Variants in TRAPPC10 observed in about 807,000 individuals in gnomAD.
TRAPPC10 encodes the protein trafficking protein particle complex subunit 10.
In TRAPPC10, 23 loss-of-function variants were observed where a neutral mutation model predicts 125.5. That is an observed-to-expected ratio of 0.18 (90% confidence interval 0.13 to 0.26). The LOEUF (loss-of-function observed/expected upper bound fraction) is 0.26. Ranked by LOEUF, TRAPPC10 falls within the 10% of genes least tolerant of loss-of-function variation. TRAPPC10 has a pLI of 1.00. For missense variants in TRAPPC10, 1,123 were observed against 1,308.4 expected (o/e 0.86, Z 2.19); for synonymous variants, 509 against 518.0 (o/e 0.98, Z 0.24).
At chr21:44,016,639 G>A (rs1188947649) in intron 1 of TRAPPC10, among the ~76,000 whole-genome samples, 1 of 152,230 alleles carries the variant, frequency 6.6e-6, no homozygotes, top group East Asian at 1.9e-4. Context: ...ATTTTCCCCT[G>A]TAGGTTAAAA....
rs376274725 is a variant in TRAPPC10 at position 44,086,772 on chromosome 21, G to T, written c.2381-30G>T. The T allele has an allele frequency of 1.9e-6, 3 of 1,609,058 alleles. No individual in the cohort carries two copies. The African/African-American group carries it at 4.0e-5, about 22-fold the overall frequency. ...GAGATGCTGTCTTCCGGTTGGCAGCGGTGCTGAGCCACGATCTCTTTTCCT... is the reference window on the plus strand; with the variant it reads ...GAGATGCTGTCTTCCGGTTGGCAGCTGTGCTGAGCCACGATCTCTTTTCCT... On this transcript the variant is annotated intron_variant, in intron 15 of 22. Coordinates refer to ENST00000291574, the MANE Select transcript of TRAPPC10 (RefSeq NM_003274.5).
intron 4 of TRAPPC10, among the ~76,000 whole-genome samples, chr21:44,055,436 C>A (rs572508368): frequency 3.3e-5 from 5 of 152,064 alleles, no homozygotes; most frequent in East Asian, 1.9e-4. Flanking sequence ...CAAAAAAATA[C>A]AAAAATTAAC....
chr21:44,043,430 T>C (rs1267511248), intron 3 of TRAPPC10, among the ~76,000 whole-genome samples: 1 of 151,902 alleles, frequency 6.6e-6, no homozygotes, highest in Non-Finnish European at 1.5e-5. Flanking sequence ...GCCAGGCTGG[T>C]CTCAAACTCC....
At chr21:44,090,600 T>A (rs1240003068) in intron 18 of TRAPPC10, among the ~76,000 whole-genome samples, 1 of 152,144 alleles carries the variant, frequency 6.6e-6, no homozygotes, top group Non-Finnish European at 1.5e-5. Flanking sequence ...CAGTTCTGCT[T>A]TGAGGCAGGC....
At chr21:44,024,209 C>T (rs914438617) in intron 1 of TRAPPC10, among the ~76,000 whole-genome samples, 1 of 152,154 alleles carries the variant, frequency 6.6e-6, no homozygotes, top group Non-Finnish European at 1.5e-5. Context: ...TTCTCTTTTC[C>T]ACACTGAAAA....
rs17004628 is a variant in TRAPPC10, at chr21:44,086,473, T to G, written c.2381-329T>G. On this transcript the variant is annotated intron_variant, in intron 15 of 22. Coordinates refer to ENST00000291574, the MANE Select transcript of TRAPPC10 (RefSeq NM_003274.5). ...CTTAAGCCTCATTATGTGATTCTCT[T>G]CTACTACTAATGGGCAGGCAAATTT... Among the ~76,000 whole-genome samples the G allele has an allele frequency of 2.2e-4, 33 of 152,336 alleles. 1 individual carries two copies. In the East Asian group the frequency reaches 4.0e-3, roughly 19 times the overall value.
At chr21:44,019,330 A>G (rs1046054480) in intron 1 of TRAPPC10, among the ~76,000 whole-genome samples, 3 of 152,186 alleles carry the variant, frequency 2.0e-5, no homozygotes, top group South Asian at 2.1e-4. Flanking sequence ...GATTACAGGC[A>G]TAAGCCACTG....
At chr21:44,036,281 C>G (rs2033975154) in intron 2 of TRAPPC10, among the ~76,000 whole-genome samples, 1 of 152,222 alleles carries the variant, frequency 6.6e-6, no homozygotes, top group African/African-American at 2.4e-5. Context: ...CATTTACGAG[C>G]AGCCTCCCCA....
intron 1 of TRAPPC10, among the ~76,000 whole-genome samples, chr21:44,029,456 C>A (rs2033381230): frequency 1.3e-5 from 2 of 152,198 alleles, no homozygotes; most frequent in African/African-American, 4.8e-5. Flanking sequence ...TCTCTAATTT[C>A]ATAAGACTTG....
rs143249970 is a variant in TRAPPC10, at chr21:44,083,309, G to C, written c.2238+7G>C. On this transcript the variant is annotated splice_region_variant and intron_variant, in intron 14 of 22. Transcript: ENST00000291574. ...GATAACATTCAGGACTCAGGTATGCGTTCAGGGTGGGAACTTGACTTTCAA... is the reference window on the plus strand; with the variant it reads ...GATAACATTCAGGACTCAGGTATGCCTTCAGGGTGGGAACTTGACTTTCAA... 1 of 1,609,766 alleles carries C rather than the reference G, an allele frequency of 6.2e-7. No individual in the cohort carries two copies. Among genetic ancestry groups the C allele is most frequent in the African/African-American group, 1.3e-5 (1 of 74,894 alleles).
intron 7 of TRAPPC10, among the ~76,000 whole-genome samples, chr21:44,068,762 G>T (rs9983596): frequency 2.0e-5 from 3 of 151,798 alleles, no homozygotes; most frequent in Non-Finnish European, 2.9e-5. Flanking sequence ...CACCATGCCC[G>T]GCTAATTTTT....
chr21:44,016,819 T>A (rs1051044842), intron 1 of TRAPPC10, among the ~76,000 whole-genome samples: 33 of 152,018 alleles, frequency 2.2e-4, no homozygotes, highest in African/African-American at 8.0e-4. Flanking sequence ...CCACCACGCC[T>A]GGCTAATTTT....
At chr21:44,038,800 A>G (rs147758083) in intron 3 of TRAPPC10, among the ~76,000 whole-genome samples, 6 of 152,044 alleles carry the variant, frequency 3.9e-5, no homozygotes, top group African/African-American at 1.2e-4. Context: ...GTAAGTCTGC[A>G]CCTGGTTTTC....
rs964384654 is a variant in TRAPPC10, at chr21:44,059,744, A to G, written c.790+530A>G. 8.7e-6 allele frequency: 4 copies of G among 459,428 alleles called. No individual in the cohort carries two copies. Among genetic ancestry groups the G allele is most frequent in the Non-Finnish European group, 7.7e-6 (2 of 259,962 alleles). The allele number at this position is 459,428 out of a possible 1,614,324, so 28.5% of individuals were successfully genotyped here. ...ATTGTCCTCAGTGTTTTTCGCTGAT[A>G]CTTATTTTGATGAAAGTGATACCAC... On this transcript the variant is annotated intron_variant, in intron 6 of 22. Coordinates refer to ENST00000291574, the MANE Select transcript of TRAPPC10 (RefSeq NM_003274.5). This position sits in a 1 kb window ranked among gnomAD's most constrained non-coding sequence, Gnocchi z 4.4.
chr21:44,089,758 G>A lies in TRAPPC10; in HGVS notation c.2770-75G>A, dbSNP rs2038445138. ...GGGCGTGGGCGGGCACTGCAGGTGAGTCTGGGCAGCAGTGGTGGTGGCTGT... is the reference window on the plus strand; with the variant it reads ...GGGCGTGGGCGGGCACTGCAGGTGAATCTGGGCAGCAGTGGTGGTGGCTGT... On this transcript the variant is annotated intron_variant, in intron 17 of 22. Coordinates refer to ENST00000291574, the MANE Select transcript of TRAPPC10 (RefSeq NM_003274.5). 15 of 1,149,510 alleles carry A rather than the reference G, an allele frequency of 1.3e-5. No individual in the cohort carries two copies. In the South Asian group the frequency reaches 1.9e-4, roughly 14 times the overall value. 71.2% of individuals were successfully genotyped at this position (1,149,510 alleles called of 1,614,324 possible).
At chr21:44,022,276 ATT>A (rs58767563) in intron 1 of TRAPPC10, among the ~76,000 whole-genome samples, 4,260 of 83,180 alleles carry the variant, frequency 0.051, 103 homozygotes, top group African/African-American at 0.13. Flanking sequence ...GCCTGGCTAA[ATT>A]TTTTTTTTTT....
At chr21:44,078,636 A>G (rs2037451265) in intron 11 of TRAPPC10, among the ~76,000 whole-genome samples, 1 of 152,220 alleles carries the variant, frequency 6.6e-6, no homozygotes, top group African/African-American at 2.4e-5. Context: ...CCACTGGTTA[A>G]CAGCAGAGTC....
Position 44,059,001 on chromosome 21 carries a change from A to C in TRAPPC10, c.679-102A>C. ...TTAGCGGAGCGTAGACATTATTCAT[A>C]GTGCTGCGTGCCTTTCTCTGTCGTT... On this transcript the variant is annotated intron_variant, in intron 5 of 22. Coordinates refer to ENST00000291574, the MANE Select transcript of TRAPPC10 (RefSeq NM_003274.5). The surrounding 1 kb of genome is among the most constrained non-coding windows in gnomAD (Gnocchi z 4.4). The C allele has an allele frequency of 1.3e-6, 1 of 766,026 alleles. No homozygotes were observed. The highest frequency in any genetic ancestry group is 2.1e-6 in the Non-Finnish European group (1 of 486,150). The allele number at this position is 766,026 out of a possible 1,614,324, so 47.5% of individuals were successfully genotyped here.
intron 7 of TRAPPC10, among the ~76,000 whole-genome samples, chr21:44,066,946 G>A (rs2036495944): frequency 1.3e-5 from 2 of 152,158 alleles, no homozygotes; most frequent in Admixed American, 6.5e-5. Flanking sequence ...ATATTTTGTC[G>A]CCAAATTAGA....
Sources: allele counts gnomAD v4.1 joint callset (sites outside exome capture counted in the v4.1 genomes callset), GRCh38; gene constraint gnomAD v4.1.1; non-coding constraint Gnocchi (gnomAD v3.1); transcripts MANE v1.5; gene names NCBI Gene and HGNC (gene_info 2026-07-23, HGNC 2026-07-21).